Variants in FSTL4 observed in about 807,000 individuals in gnomAD.
The protein encoded by FSTL4 is follistatin-related protein 4.
A neutral mutation model predicts 78.2 loss-of-function variants in FSTL4; 28 were observed. That is an observed-to-expected ratio of 0.36 (90% CI 0.27 to 0.49). FSTL4 has a LOEUF of 0.49. Ranked by LOEUF, FSTL4 falls within the 20% of genes least tolerant of loss-of-function variation. FSTL4 has a pLI of 0.98. For missense variants in FSTL4, 922 were observed against 1,084.9 expected (o/e 0.85, Z 2.11); for synonymous variants, 422 against 440.5 (o/e 0.96, Z 0.53).
rs1388904107 is a variant in FSTL4, at chr5:133,349,954, CTTTG to C, written c.410-33306_410-33303del. Among the ~76,000 whole-genome samples, 20 of 136,594 alleles carry C rather than the reference CTTTG, an allele frequency of 1.5e-4. 1 individual carries two copies. The highest frequency in any genetic ancestry group is 2.2e-4 in the East Asian group (1 of 4,468). 89.6% of individuals were successfully genotyped at this position (136,594 alleles called of 152,430 possible). A position where few individuals can be genotyped will look rare whatever the true frequency, so the allele number is the denominator to read the frequency against. On this transcript the variant is annotated intron_variant, in intron 4 of 15. Transcript: ENST00000265342. ...GACTGTAAAGGACCCATAGGATGGA[CTTTG>C]TTTGTCAGGCTGCCATGCGACTGTA...
At chr5:133,205,027 C>CTT (rs1750451021) in intron 14 of FSTL4, among the ~76,000 whole-genome samples, 1 of 152,054 alleles carries the variant, frequency 6.6e-6, no homozygotes, top group Non-Finnish European at 1.5e-5. Context: ...ATATCCTAGA[C>CTT]TTTCCAGTTA....
intron 4 of FSTL4, among the ~76,000 whole-genome samples, chr5:133,346,788 G>A (rs1362635977): frequency 2.6e-5 from 4 of 152,106 alleles, no homozygotes; most frequent in Non-Finnish European, 5.9e-5. Context: ...CTAGTCATCT[G>A]TGTTTCTCAG....
chr5:133,653,468 TC>T, the FSTL4 span, among the ~76,000 whole-genome samples: 1 of 152,158 alleles, frequency 6.6e-6, no homozygotes, highest in South Asian at 2.1e-4. Context: ...CGGGACTGCA[TC>T]CCTCCCTGCT....
intron 3 of FSTL4, among the ~76,000 whole-genome samples, chr5:133,435,543 C>A (rs542757969): frequency 6.6e-6 from 1 of 152,286 alleles, no homozygotes; most frequent in South Asian, 2.1e-4. Context: ...AAGTCATCCA[C>A]CTTATTAAAA....
At chr5:133,637,148 A>G in the FSTL4 span, among the ~76,000 whole-genome samples, 14 of 152,052 alleles carry the variant, frequency 9.2e-5, no homozygotes, top group East Asian at 1.9e-4. Flanking sequence ...AGATTACCCT[A>G]TTTACGATGT....
Position 133,468,542 on chromosome 5 carries a change from CT to C in FSTL4, c.161-67557del, listed in dbSNP as rs200972269. 6.9e-3 allele frequency among the ~76,000 whole-genome samples: 1,055 copies of C among 152,334 alleles called. 14 individuals are homozygous for C. The highest frequency in any genetic ancestry group is 0.024 in the African/African-American group (1,017 of 41,568). ...CTCTGAGAGAATTACTAGACCTGCC[CT>C]CTAAGGCAGAGGAGCCCAAGCCACG... On this transcript the variant is annotated intron_variant, in intron 3 of 15. Transcript: ENST00000265342.
At chr5:133,677,874 A>C in the FSTL4 span, among the ~76,000 whole-genome samples, 1 of 152,264 alleles carries the variant, frequency 6.6e-6, no homozygotes, top group Non-Finnish European at 1.5e-5. Context: ...AGAAGAATGC[A>C]ATAAACAAGC....
At chr5:133,520,529 A>C (rs935253316) in intron 3 of FSTL4, among the ~76,000 whole-genome samples, 4 of 152,166 alleles carry the variant, frequency 2.6e-5, no homozygotes, top group African/African-American at 4.8e-5. Flanking sequence ...CTTCAGGAAG[A>C]AAAAATGGTG....
chr5:133,485,406 T>C (rs1758113037), intron 3 of FSTL4, among the ~76,000 whole-genome samples: 1 of 152,208 alleles, frequency 6.6e-6, no homozygotes, highest in Non-Finnish European at 1.5e-5. Flanking sequence ...TGGTTCAGGC[T>C]AATTGGGAGG....
At chr5:133,393,098 G>T (rs963530527) in intron 4 of FSTL4, among the ~76,000 whole-genome samples, 24 of 152,150 alleles carry the variant, frequency 1.6e-4, no homozygotes, top group Non-Finnish European at 5.9e-5. Flanking sequence ...ACTGTAAATG[G>T]GACAACTGAG....
chr5:133,842,058 C>T, the FSTL4 span, among the ~76,000 whole-genome samples: 113 of 152,354 alleles, frequency 7.4e-4, no homozygotes, highest in South Asian at 9.9e-3. Context: ...TCCTCTAAAA[C>T]GTTCAGAGGA....
the FSTL4 span, among the ~76,000 whole-genome samples, chr5:133,723,980 A>T: frequency 6.6e-6 from 1 of 152,222 alleles, no homozygotes; most frequent in Admixed American, 6.5e-5. Context: ...GGCATGTTGC[A>T]GTGGCAGCAA....
chr5:133,266,716 G>C, intron 6 of FSTL4: 1 of 152,316 alleles, frequency 6.6e-6, no homozygotes, highest in East Asian at 1.9e-4. Flanking sequence ...CCTGTCCTCT[G>C]CTTGCCTGGT....
chr5:133,732,876 G>A, the FSTL4 span, among the ~76,000 whole-genome samples: 1 of 152,206 alleles, frequency 6.6e-6, no homozygotes, highest in Admixed American at 6.5e-5. Flanking sequence ...GACCCAGCCA[G>A]TGAACAGGGA....
At chr5:133,244,761 C>G (rs546029474) in intron 7 of FSTL4, 19 of 152,388 alleles carry the variant, frequency 1.2e-4, no homozygotes, top group African/African-American at 4.3e-4. Context: ...TCCTGCAAGG[C>G]AGTGGCTCAG....
the FSTL4 span, among the ~76,000 whole-genome samples, chr5:133,618,126 A>T: frequency 6.6e-5 from 10 of 152,234 alleles, no homozygotes; most frequent in South Asian, 2.1e-4. Flanking sequence ...TACCTATGAT[A>T]GTTTAATTTA....
the FSTL4 span, among the ~76,000 whole-genome samples, chr5:133,819,594 G>A: frequency 6.6e-6 from 1 of 152,204 alleles, no homozygotes; most frequent in Admixed American, 6.5e-5. Context: ...CACCGTTGGA[G>A]GCGCAGGCAG....
At position 133,604,015 on chromosome 5, in the gene FSTL4, C is replaced by T. The variant is rs902343106; in HGVS notation, c.-10-22G>A. The T allele has an allele frequency of 3.8e-6, 6 of 1,577,604 alleles. No homozygotes were observed. In the African/African-American group the frequency reaches 8.1e-5, roughly 21 times the overall value. ...GAGTCTGTTGAAGAAATGACAAATG[C>T]TGAGAATAAAACATTATGAGATGGA... is the stretch of plus-strand genomic sequence containing the variant. On this transcript the variant is annotated intron_variant, in intron 1 of 15. Coordinates refer to ENST00000265342, the MANE Select transcript of FSTL4 (RefSeq NM_015082.2).
the FSTL4 span, among the ~76,000 whole-genome samples, chr5:133,781,631 G>T: frequency 6.6e-6 from 1 of 152,156 alleles, no homozygotes; most frequent in African/African-American, 2.4e-5. Context: ...CCCCTGAGGG[G>T]AACCCTCCGA....
Sources: gnomAD v4.1 joint callset for allele counts (sites outside exome capture counted in the v4.1 genomes callset) on GRCh38, gnomAD v4.1.1 for gene constraint, MANE v1.5 for transcripts, NCBI Gene and HGNC (gene_info 2026-07-23, HGNC 2026-07-21) for gene names.